GABBR2: variants seen among roughly 807,000 people sequenced by gnomAD.
GABBR2 encodes G-protein coupled receptor 51.
A neutral mutation model predicts 105.6 loss-of-function variants in GABBR2; 23 were observed. That is an observed-to-expected ratio of 0.22 (90% CI 0.16 to 0.31). The LOEUF (loss-of-function observed/expected upper bound fraction) is 0.31, where lower values mean the gene tolerates loss of function less well. Ranked by LOEUF, GABBR2 falls within the 10% of genes least tolerant of loss-of-function variation. The probability of loss-of-function intolerance (pLI) is 1.00; values close to 1 mark genes in which losing one functional copy is unlikely to be tolerated. For missense variants in GABBR2, 734 were observed against 1,245.5 expected (o/e 0.59, Z 6.18); for synonymous variants, 478 against 499.7 (o/e 0.96, Z 0.58).
At chr9:98,342,626 TG>T (rs2131408837) in intron 13 of GABBR2, among the ~76,000 whole-genome samples, 1 of 152,284 alleles carries the variant, frequency 6.6e-6, no homozygotes, top group East Asian at 1.9e-4. Flanking sequence ...TGCATCTGGC[TG>T]GGGCCCCAGC....
chr9:98,441,315 T>C (rs1418021934), intron 7 of GABBR2, among the ~76,000 whole-genome samples: 2 of 152,102 alleles, frequency 1.3e-5, no homozygotes, highest in Non-Finnish European at 2.9e-5. Flanking sequence ...AGCTCTCCCA[T>C]AATAAATAAC....
At chr9:98,383,610 C>T (rs1025524206) in intron 11 of GABBR2, among the ~76,000 whole-genome samples, 4 of 152,156 alleles carry the variant, frequency 2.6e-5, no homozygotes, top group African/African-American at 2.4e-5. Flanking sequence ...ACTGGGGACT[C>T]GACCACACAC....
intron 6 of GABBR2, among the ~76,000 whole-genome samples, chr9:98,471,078 C>G (rs999923739): frequency 1.3e-5 from 2 of 152,202 alleles, no homozygotes; most frequent in Non-Finnish European, 2.9e-5. Context: ...ATCTGAGAAT[C>G]TGATGGGAAG....
intron 3 of GABBR2, among the ~76,000 whole-genome samples, chr9:98,537,080 A>G (rs1450793947): frequency 6.6e-6 from 1 of 152,144 alleles, no homozygotes; most frequent in Non-Finnish European, 1.5e-5. Flanking sequence ...GACACACTGA[A>G]GCCACCTGGA....
At chr9:98,686,195 C>T (rs377113045) in intron 1 of GABBR2, among the ~76,000 whole-genome samples, 6 of 152,244 alleles carry the variant, frequency 3.9e-5, no homozygotes, top group African/African-American at 1.4e-4. Context: ...CCTGCCTTCA[C>T]CAAGAACCCT....
At chr9:98,700,658 A>G (rs952268460) in intron 1 of GABBR2, among the ~76,000 whole-genome samples, 5 of 152,096 alleles carry the variant, frequency 3.3e-5, no homozygotes, top group African/African-American at 4.8e-5. Flanking sequence ...AAGGACCCCA[A>G]TTGACAAGTG....
At chr9:98,291,797 G>T (rs1318735348) in intron 18 of GABBR2, among the ~76,000 whole-genome samples, 1 of 152,200 alleles carries the variant, frequency 6.6e-6, no homozygotes, top group Non-Finnish European at 1.5e-5. Flanking sequence ...ATGATGAACT[G>T]TGTCTCCTTC....
At chr9:98,590,370 G>A (rs1329856790) in intron 1 of GABBR2, among the ~76,000 whole-genome samples, 8 of 152,152 alleles carry the variant, frequency 5.3e-5, no homozygotes, top group Non-Finnish European at 8.8e-5. Flanking sequence ...ATTCTTGGCC[G>A]GCTGCAGACT....
Position 98,577,915 on chromosome 9 carries a change from G to A in GABBR2, c.459+20C>T. 1.3e-6 allele frequency: 2 copies of A among 1,584,870 alleles called. No homozygotes were observed. Among genetic ancestry groups the A allele is most frequent in the Non-Finnish European group, 1.7e-6 (2 of 1,166,080 alleles). On this transcript the variant is annotated intron_variant, in intron 2 of 18. Transcript: ENST00000259455. ...CAACCAAAGACACCTCCCCACAAAAGAAGGTAGCTCAGACCTTACCTGCAC... is the reference window on the plus strand; with the variant it reads ...CAACCAAAGACACCTCCCCACAAAAAAAGGTAGCTCAGACCTTACCTGCAC...
intron 1 of GABBR2, among the ~76,000 whole-genome samples, chr9:98,606,437 G>T (rs1246339829): frequency 2.0e-5 from 3 of 151,554 alleles, no homozygotes; most frequent in Non-Finnish European, 4.4e-5. Flanking sequence ...TTGTAATAAT[G>T]CCTGGCACAT....
intron 3 of GABBR2, among the ~76,000 whole-genome samples, chr9:98,537,116 G>A (rs1828196332): frequency 6.6e-6 from 1 of 152,148 alleles, no homozygotes; most frequent in Admixed American, 6.5e-5. Context: ...CCAACACCAG[G>A]GTCGTCCAGT....
At chr9:98,681,038 T>G (rs1028178232) in intron 1 of GABBR2, among the ~76,000 whole-genome samples, 10 of 152,000 alleles carry the variant, frequency 6.6e-5, no homozygotes, top group Non-Finnish European at 1.5e-4. Flanking sequence ...GTGTGGCGAC[T>G]CCTCAGGGAT....
intron 3 of GABBR2, among the ~76,000 whole-genome samples, chr9:98,523,418 T>C (rs558345238): frequency 7.2e-4 from 109 of 152,264 alleles, no homozygotes; most frequent in Non-Finnish European, 1.3e-3. Context: ...GAGTAATCTT[T>C]AAAGGAGAAG....
chr9:98,407,274 G>A (rs1235522160), intron 7 of GABBR2, among the ~76,000 whole-genome samples: 1 of 152,176 alleles, frequency 6.6e-6, no homozygotes, highest in Non-Finnish European at 1.5e-5. Context: ...ACCCCAGGAA[G>A]CATTTTTCCT....
At chr9:98,629,703 C>T (rs1330762903) in intron 1 of GABBR2, among the ~76,000 whole-genome samples, 1 of 152,076 alleles carries the variant, frequency 6.6e-6, no homozygotes, top group Non-Finnish European at 1.5e-5. Flanking sequence ...CCCCTTTTTT[C>T]TTGATTGTGA....
intron 7 of GABBR2, among the ~76,000 whole-genome samples, chr9:98,412,787 G>A (rs1341774256): frequency 2.0e-5 from 3 of 152,296 alleles, no homozygotes; most frequent in East Asian, 3.9e-4. Context: ...TAGGTCATGC[G>A]ACCCCCATTC....
chr9:98,357,326 TTAAG>T (rs1356014099), intron 13 of GABBR2, among the ~76,000 whole-genome samples: 1 of 152,172 alleles, frequency 6.6e-6, no homozygotes, highest in Non-Finnish European at 1.5e-5. Context: ...ATAAAGTCTA[TTAAG>T]TAAGTATAAA....
rs920639525 is a variant in GABBR2, at chr9:98,344,169, C to T, written c.1893+18546G>A. 5.9e-5 allele frequency among the ~76,000 whole-genome samples: 9 copies of T among 152,066 alleles called. No individual in the cohort carries two copies. In the East Asian group the frequency reaches 1.7e-3, roughly 29 times the overall value. On this transcript the variant is annotated intron_variant, in intron 13 of 18. Coordinates refer to ENST00000259455, the MANE Select transcript of GABBR2 (RefSeq NM_005458.8). ...CTTCTCTTCTCCATCGCTCTGACTG[C>T]TCTTGGTGCCCTCATCCAAGATTGT...
rs776543603 is a variant in GABBR2, at chr9:98,578,022, C to T, written c.372G>A (p.Gly124=). Reference sequence around the variant, plus strand: ...CTCCAAACACCATCAAGTGGTTAGGCCCGTATTTTATTGCATCGTAGAAGG... The same window carrying T: ...CTCCAAACACCATCAAGTGGTTAGGTCCGTATTTTATTGCATCGTAGAAGG... ...LKAFYDAIKY[G]PNHLMVFGGV... The change falls in exon 2 of 19, where the codon GGG becomes GGA. Residue 124 remains glycine (G), a synonymous_variant. Coordinates refer to ENST00000259455, the MANE Select transcript of GABBR2 (RefSeq NM_005458.8). 14 of 1,613,946 alleles carry T rather than the reference C, an allele frequency of 8.7e-6. No homozygotes were observed. Among genetic ancestry groups the T allele is most frequent in the Non-Finnish European group, 1.2e-5 (14 of 1,179,820 alleles).
Sources: allele counts gnomAD v4.1 joint callset (sites outside exome capture counted in the v4.1 genomes callset), GRCh38; gene constraint gnomAD v4.1.1; transcripts MANE v1.5; gene names NCBI Gene and HGNC (gene_info 2026-07-23, HGNC 2026-07-21).